Variants in UEVLD observed in about 807,000 individuals in gnomAD.
UEVLD encodes the protein ubiquitin-conjugating enzyme E2 variant 3.
UEVLD carries 47 observed loss-of-function variants against 58.6 expected under a neutral mutation model. The ratio of observed to expected loss-of-function variants is 0.80; its 90% CI spans 0.63 to 1.02. UEVLD has a LOEUF of 1.02. Among genes scored for constraint, UEVLD ranks in the 50% least tolerant of loss-of-function variants. The pLI is 0.00. For missense variants in UEVLD, 510 were observed against 550.6 expected (o/e 0.93, Z 0.74); for synonymous variants, 197 against 195.3 (o/e 1.01, Z -0.07).
chr11:18,552,911 T>G (rs1851591820), intron 7 of UEVLD, among the ~76,000 whole-genome samples: 2 of 151,602 alleles, frequency 1.3e-5, no homozygotes, highest in South Asian at 4.2e-4. Flanking sequence ...ATCCCAGCAC[T>G]TTGGGAGGCC....
At position 18,588,728 on chromosome 11, in the gene UEVLD, A is replaced by T. The variant is rs1428673505; in HGVS notation, c.-74T>A. The T allele has an allele frequency of 1.3e-6, 2 of 1,546,996 alleles. No homozygotes were observed. Among genetic ancestry groups the T allele is most frequent in the East Asian group, 2.3e-5 (1 of 42,958 alleles). On this transcript the variant is annotated 5_prime_UTR_variant, in exon 1 of 12. Transcript: ENST00000396197. Reference sequence around the variant, plus strand: ...TCTTCCGGACTTGCTGCAGGACGGAAGCCGCTGAGGACCAAACTTCCCGGC... The same window carrying T: ...TCTTCCGGACTTGCTGCAGGACGGATGCCGCTGAGGACCAAACTTCCCGGC...
At chr11:18,545,910 T>A (rs1851286947) in intron 8 of UEVLD, among the ~76,000 whole-genome samples, 1 of 152,168 alleles carries the variant, frequency 6.6e-6, no homozygotes, top group African/African-American at 2.4e-5. Flanking sequence ...ATCTTTAAAT[T>A]AAAATACTGA....
Position 18,536,467 on chromosome 11 carries a change from G to A in UEVLD, c.1063C>T (p.Leu355Phe), listed in dbSNP as rs760469030. ...VIGEQGEDKV[L>F]TWSGQEEVVS... ...ACTTCTTCTTGGCCACTCCATGTGA[G>A]CACTAAAATTAGATGAAGAATTAAT... Residue 355 changes from leucine (L) to phenylalanine (F), a missense_variant and splice_region_variant, in exon 10 of 12, where the codon CTC becomes TTC. Leu to Phe is a conservative substitution (Grantham distance 22). Coordinates refer to ENST00000396197, the MANE Select transcript of UEVLD (RefSeq NM_001040697.4). 39 of 1,613,046 alleles carry A rather than the reference G, an allele frequency of 2.4e-5. No individual in the cohort carries two copies. In the South Asian group the frequency reaches 2.7e-4, roughly 11 times the overall value.
intron 5 of UEVLD, among the ~76,000 whole-genome samples, chr11:18,566,083 G>A (rs1287329243): frequency 1.3e-5 from 2 of 151,664 alleles, no homozygotes; most frequent in Non-Finnish European, 2.9e-5. Flanking sequence ...ATTTTTAGTA[G>A]AGATAGGGTT....
chr11:18,558,242 A>G lies in UEVLD; in HGVS notation c.701T>C (p.Val234Ala). The G allele has an allele frequency of 6.2e-7, 1 of 1,612,374 alleles. No homozygotes were observed. Among genetic ancestry groups the G allele is most frequent in the African/African-American group, 1.3e-5 (1 of 75,010 alleles). ...MDLEIFNLPN[V>A]EISKDLSASA... ...AATAAACAGACCTTTGCTGATCTCC[A>G]CATTAGGAAGGTTGAAGATTTCAAG... Residue 234 changes from valine to alanine, a missense_variant, in exon 7 of 12, where the codon GTG (valine) becomes GCG (alanine). Transcript: ENST00000396197.
chr11:18,562,506 C>T (rs1852088800), intron 6 of UEVLD, among the ~76,000 whole-genome samples: 2 of 151,492 alleles, frequency 1.3e-5, no homozygotes, highest in African/African-American at 2.4e-5. Context: ...CATGCTACTG[C>T]ACTCCAGCCT....
chr11:18,580,035 C>CT (rs140542993), intron 1 of UEVLD, among the ~76,000 whole-genome samples: 13,678 of 85,338 alleles, frequency 0.16, 335 homozygotes, highest in Non-Finnish European at 0.19. Flanking sequence ...TCCCAGCTGG[C>CT]TTTTTTTTTT....
chr11:18,536,296 T>C (rs962756806), intron 10 of UEVLD, 110 bp downstream of exon 10: 8 of 978,672 alleles, frequency 8.2e-6, no homozygotes, highest in Middle Eastern at 4.1e-4. Flanking sequence ...GGTTTGTCCA[T>C]ATTAGTTTTG....
At chr11:18,576,900 AG>A (rs967020921) in intron 2 of UEVLD, among the ~76,000 whole-genome samples, 54 of 152,218 alleles carry the variant, frequency 3.5e-4, no homozygotes, top group African/African-American at 1.3e-3. Flanking sequence ...GTAAAATTCC[AG>A]GTCTGGCACA....
intron 7 of UEVLD, 41 bp downstream of exon 7, chr11:18,558,187 A>G (rs1360212988): frequency 1.4e-6 from 2 of 1,450,174 alleles, no homozygotes; most frequent in Middle Eastern, 2.0e-4. Flanking sequence ...TCAAAAATGA[A>G]GATCTAATAA....
intron 7 of UEVLD, among the ~76,000 whole-genome samples, chr11:18,548,416 C>G (rs940959777): frequency 6.6e-6 from 1 of 152,112 alleles, no homozygotes; most frequent in Non-Finnish European, 1.5e-5. Context: ...AATTAAGCCT[C>G]TAAGGCCATC....
chr11:18,555,437 A>C (rs1288030534), intron 7 of UEVLD, among the ~76,000 whole-genome samples: 1 of 151,302 alleles, frequency 6.6e-6, no homozygotes, highest in Non-Finnish European at 1.5e-5. Flanking sequence ...AAAAAAAAAA[A>C]ATTAGTCAGA....
rs1393580517 is a variant in UEVLD, at chr11:18,536,573, T to C, written c.1061-104A>G. ...AAGGGTACCTGTGCTAATATTTATA[T>C]AGAAGTTTTCTCATTTCTAGCAAGT... On this transcript the variant is annotated intron_variant, in intron 9 of 11. Coordinates refer to ENST00000396197, the MANE Select transcript of UEVLD (RefSeq NM_001040697.4). 5.2e-6 allele frequency: 5 copies of C among 964,630 alleles called. No individual in the cohort carries two copies. In the African/African-American group the frequency reaches 6.6e-5, roughly 13 times the overall value. The allele number at this position is 964,630 out of a possible 1,614,324, so 59.8% of individuals were successfully genotyped here.
intron 3 of UEVLD, among the ~76,000 whole-genome samples, chr11:18,571,312 A>T (rs1320548484): frequency 6.6e-6 from 1 of 152,172 alleles, no homozygotes; most frequent in Non-Finnish European, 1.5e-5. Flanking sequence ...GCGCCACTGC[A>T]CTCCAGCCAG....
At chr11:18,553,249 C>A (rs772336458) in intron 7 of UEVLD, among the ~76,000 whole-genome samples, 3 of 151,118 alleles carry the variant, frequency 2.0e-5, no homozygotes, top group Non-Finnish European at 4.4e-5. Flanking sequence ...TAGCCTGAAC[C>A]CAGGAAGCGG....
intron 10 of UEVLD, among the ~76,000 whole-genome samples, chr11:18,536,086 A>T (rs534688401): frequency 4.6e-5 from 7 of 152,332 alleles, no homozygotes; most frequent in African/African-American, 1.4e-4. Context: ...GTGAGCCGAG[A>T]TCGCGCCACT....
chr11:18,581,870 C>T (rs375198641), intron 1 of UEVLD, among the ~76,000 whole-genome samples: 4 of 152,008 alleles, frequency 2.6e-5, no homozygotes, highest in South Asian at 4.2e-4. Flanking sequence ...TAGGAGTTAG[C>T]AAATAGGCAG....
Position 18,532,226 on chromosome 11 carries a change from G to T in UEVLD, c.*94C>A. 1.7e-6 allele frequency: 2 copies of T among 1,187,856 alleles called. No homozygotes were observed. The highest frequency in any genetic ancestry group is 2.3e-6 in the Non-Finnish European group (2 of 878,314). The allele number at this position is 1,187,856 out of a possible 1,614,324, so 73.6% of individuals were successfully genotyped here. A position where few individuals can be genotyped will look rare whatever the true frequency, so the allele number is the denominator to read the frequency against. ...ACCAAGCAGTTTGTAAAAGTAAGTA[G>T]CAGGATACAGAAATCCTCAAACCTA... On this transcript the variant is annotated 3_prime_UTR_variant, in exon 12 of 12. Transcript: ENST00000396197.
chr11:18,572,967 G>A (rs994065037), intron 3 of UEVLD, among the ~76,000 whole-genome samples: 5 of 152,156 alleles, frequency 3.3e-5, no homozygotes, highest in South Asian at 2.1e-4. Flanking sequence ...TTTTACAGAT[G>A]AGAAAGATAA....
Sources: gnomAD v4.1 joint callset for allele counts (sites outside exome capture counted in the v4.1 genomes callset) on GRCh38, gnomAD v4.1.1 for gene constraint, MANE v1.5 for transcripts, NCBI Gene and HGNC (gene_info 2026-07-23, HGNC 2026-07-21) for gene names.